The following DNAH14 variants were observed in gnomAD, a reference collection of about 807,000 sequenced individuals.
DNAH14 encodes the protein dynein axonemal heavy chain 14.
DNAH14 carries 478 observed loss-of-function variants against 520.9 expected under a neutral mutation model. The ratio of observed to expected loss-of-function variants is 0.92; its 90% CI spans 0.85 to 0.99. The LOEUF is 0.99. Ranked by LOEUF, DNAH14 falls within the 50% of genes least tolerant of loss-of-function variation. The pLI, the probability that DNAH14 is intolerant of heterozygous loss-of-function variation, is 0.00. For missense variants in DNAH14, 4,831 were observed against 5,234.5 expected (o/e 0.92, Z 2.38); for synonymous variants, 1,581 against 1,757.2 (o/e 0.90, Z 2.51).
At chr1:224,955,615 T>C (rs2125522318) in intron 3 of DNAH14, among the ~76,000 whole-genome samples, 1 of 152,308 alleles carries the variant, frequency 6.6e-6, no homozygotes, top group South Asian at 2.1e-4. Context: ...AGCACTCTTA[T>C]GTCCTCACTT....
chr1:225,204,277 A>T lies in DNAH14; in HGVS notation c.5977+4A>T, dbSNP rs201605831. On this transcript the variant is annotated splice_donor_region_variant and intron_variant, in intron 39 of 85. Transcript: ENST00000682510. ...GTTAAAATTCCAGAAAATCACAGTA[A>T]GTGTTACTAAATTCAAGAAAGATTA... 5 of 1,417,618 alleles carry T rather than the reference A, an allele frequency of 3.5e-6. No homozygotes were observed. Among genetic ancestry groups the T allele is most frequent in the Middle Eastern group, 1.8e-4 (1 of 5,698 alleles). The allele number at this position is 1,417,618 out of a possible 1,614,324, so 87.8% of individuals were successfully genotyped here. A position where few individuals can be genotyped will look rare whatever the true frequency, so the allele number is the denominator to read the frequency against.
intron 41 of DNAH14, among the ~76,000 whole-genome samples, chr1:225,225,918 C>T (rs550461830): frequency 3.3e-5 from 5 of 152,148 alleles, no homozygotes; most frequent in Non-Finnish European, 7.4e-5. Context: ...CAGTCCCAGA[C>T]GATGCAGCTT....
chr1:225,243,713 CAAAG>C (rs1290479562), intron 43 of DNAH14, among the ~76,000 whole-genome samples: 1 of 151,896 alleles, frequency 6.6e-6, no homozygotes, highest in South Asian at 2.1e-4. Flanking sequence ...GGTACTAAGA[CAAAG>C]AAAGTCTTAT....
At chr1:225,193,798 A>C (rs1208259708) in intron 38 of DNAH14, among the ~76,000 whole-genome samples, 2 of 152,120 alleles carry the variant, frequency 1.3e-5, no homozygotes, top group African/African-American at 2.4e-5. Flanking sequence ...TACCTAGAAA[A>C]CCCCATAGTC....
At chr1:225,390,840 A>G (rs1209834346) in intron 83 of DNAH14, among the ~76,000 whole-genome samples, 2 of 152,176 alleles carry the variant, frequency 1.3e-5, no homozygotes, top group African/African-American at 2.4e-5. Context: ...AGAAAACCTT[A>G]GCACAGAGAA....
rs1275138645 is a variant in DNAH14, at chr1:225,331,463, G to A, written c.9750G>A (p.Gln3250=). ...TTGAAGAACATTTGCTGTTTTTACAGGCAGCTTACAAAGATACCGTTGCTG... is the reference window on the plus strand; with the variant it reads ...TTGAAGAACATTTGCTGTTTTTACAAGCAGCTTACAAAGATACCGTTGCTG... ...QLVEEHLLFL[Q]AAYKDTVAEK... is the part of the protein sequence containing the mutation. Residue 3250 remains glutamine (Q), a synonymous_variant, in exon 65 of 86, where the codon CAG becomes CAA. Coordinates refer to ENST00000682510, the MANE Select transcript of DNAH14 (RefSeq NM_001367479.1). 1 of 1,550,436 alleles carries A rather than the reference G, an allele frequency of 6.4e-7. No individual in the cohort carries two copies. Among genetic ancestry groups the A allele is most frequent in the African/African-American group, 1.4e-5 (1 of 72,936 alleles).
intron 77 of DNAH14, among the ~76,000 whole-genome samples, chr1:225,369,660 T>C (rs973223656): frequency 3.3e-5 from 5 of 152,082 alleles, no homozygotes; most frequent in African/African-American, 9.7e-5. Flanking sequence ...GATTAACAGA[T>C]AGATCGAGAG....
At chr1:225,065,276 A>G (rs1040534775) in intron 17 of DNAH14, among the ~76,000 whole-genome samples, 2 of 151,912 alleles carry the variant, frequency 1.3e-5, no homozygotes, top group African/African-American at 4.8e-5. Flanking sequence ...AAAGTGATGT[A>G]ATGATTTATG....
intron 72 of DNAH14, among the ~76,000 whole-genome samples, chr1:225,352,142 C>T (rs530162935): frequency 2.0e-5 from 3 of 152,236 alleles, no homozygotes; most frequent in African/African-American, 4.8e-5. Flanking sequence ...TTCATTACAC[C>T]AGGCTAGTTT....
At chr1:225,391,684 C>G (rs2095915629) in intron 83 of DNAH14, among the ~76,000 whole-genome samples, 1 of 152,066 alleles carries the variant, frequency 6.6e-6, no homozygotes, top group Admixed American at 6.5e-5. Context: ...TGGGTGGCTG[C>G]TGGCGTCATT....
At position 225,042,960 on chromosome 1, in the gene DNAH14, T is replaced by C; in HGVS notation, c.1614T>C (p.His538=). 1.9e-6 allele frequency: 3 copies of C among 1,551,922 alleles called. No homozygotes were observed. The highest frequency in any genetic ancestry group is 2.6e-6 in the Non-Finnish European group (3 of 1,147,022). The part of the protein sequence containing the change: ...DSSENSKENF[H]ESDQCPEECV... ...CAGAAAATTCTAAAGAGAACTTTCA[T>C]GAGTCTGACCAGTGCCCTGAAGAGT... Residue 538 remains histidine, a synonymous_variant, in exon 13 of 86, where the codon CAT becomes CAC. Transcript: ENST00000682510.
chr1:225,170,736 C>G (rs1331885921), intron 36 of DNAH14, among the ~76,000 whole-genome samples: 3 of 152,072 alleles, frequency 2.0e-5, no homozygotes, highest in Non-Finnish European at 2.9e-5. Flanking sequence ...TAAGGATATC[C>G]ACGAATTGAA....
intron 27 of DNAH14, among the ~76,000 whole-genome samples, chr1:225,137,938 T>C (rs1404175120): frequency 6.6e-6 from 1 of 152,052 alleles, no homozygotes; most frequent in Non-Finnish European, 1.5e-5. Flanking sequence ...GGAAGAGATC[T>C]CTGTCCACAG....
At position 225,360,733 on chromosome 1, in the gene DNAH14, A is replaced by T. The variant is rs2095483438; in HGVS notation, c.11829A>T (p.Thr3943=). The T allele has an allele frequency of 1.3e-6, 2 of 1,551,616 alleles. No individual in the cohort carries two copies. The highest frequency in any genetic ancestry group is 2.7e-5 in the African/African-American group (2 of 73,062). ...LLRFAQELKG[T]THHVTIISLG... Reference sequence around the variant, plus strand: ...GATTTGCACAAGAGTTAAAAGGAACAACACATCATGTGACCATAATTTCTC... The same window carrying T: ...GATTTGCACAAGAGTTAAAAGGAACTACACATCATGTGACCATAATTTCTC... The change falls in exon 75 of 86, where the codon ACA becomes ACT. Residue 3943 remains threonine, a synonymous_variant. Transcript: ENST00000682510.
At chr1:225,008,078 C>T (rs921665320) in intron 10 of DNAH14, among the ~76,000 whole-genome samples, 60 of 152,096 alleles carry the variant, frequency 3.9e-4, no homozygotes, top group African/African-American at 1.4e-3. Context: ...TCCCCTTACC[C>T]CCAACCCCGC....
chr1:225,399,026 G>A (rs753439852), intron 85 of DNAH14, 28 bp from the exon 86 acceptor site: 1 of 1,428,596 alleles, frequency 7.0e-7, no homozygotes, highest in Non-Finnish European at 9.6e-7. Flanking sequence ...TATGCAATTT[G>A]ACTACTGGAT....
At position 225,324,306 on chromosome 1, in the gene DNAH14, C is replaced by G. The variant is rs900102119; in HGVS notation, c.9580C>G (p.Leu3194Val). The G allele has an allele frequency of 1.9e-6, 3 of 1,551,768 alleles. No individual in the cohort carries two copies. The highest frequency in any genetic ancestry group is 3.9e-5 in the Admixed American group (2 of 50,988). Residue 3194 changes from leucine (L) to valine (V), a missense_variant, in exon 63 of 86, where the codon CTG (leucine) becomes GTG (valine). Leu to Val is a conservative substitution (Grantham distance 32). Coordinates refer to ENST00000682510, the MANE Select transcript of DNAH14 (RefSeq NM_001367479.1). ...ISLVSVACCS[L>V]CQWVIALNNY... ...GCTGGTTTCTGTTGCTTGTTGCTCC[C>G]TGTGCCAGTGGGTTATAGCTTTGAA... is the stretch of plus-strand genomic sequence containing the variant.
chr1:225,236,227 GT>G (rs2091567790), intron 42 of DNAH14, among the ~76,000 whole-genome samples: 1 of 151,940 alleles, frequency 6.6e-6, no homozygotes, highest in Non-Finnish European at 1.5e-5. Context: ...TACATTATCT[GT>G]TTGTTTGCAT....
intron 43 of DNAH14, among the ~76,000 whole-genome samples, chr1:225,246,720 C>T (rs2092304087): frequency 6.6e-6 from 1 of 152,132 alleles, no homozygotes; most frequent in African/African-American, 2.4e-5. Flanking sequence ...ATTAAAAAGT[C>T]AGGAAACAAC....
Sources: allele counts gnomAD v4.1 joint callset (sites outside exome capture counted in the v4.1 genomes callset), GRCh38; gene constraint gnomAD v4.1.1; transcripts MANE v1.5; gene names NCBI Gene and HGNC (gene_info 2026-07-23, HGNC 2026-07-21).